Variants in SKIC3 observed in about 807,000 individuals in gnomAD.
SKIC3 encodes superkiller complex protein 3.
At chr5:95,464,712 AT>A in the SKIC3 span, 1 of 1,563,064 alleles carries the variant, frequency 6.4e-7, no homozygotes, top group South Asian at 1.1e-5. Context: ...GAACGTCAGT[AT>A]TTTGTTTATT....
the SKIC3 span, chr5:95,516,346 T>C: frequency 2.4e-5 from 39 of 1,612,654 alleles, no homozygotes; most frequent in South Asian, 3.3e-5. Flanking sequence ...ACAGGCAACA[T>C]ATTTACCTCA....
the SKIC3 span, among the ~76,000 whole-genome samples, chr5:95,505,612 G>C: frequency 6.6e-6 from 1 of 152,044 alleles, no homozygotes; most frequent in African/African-American, 2.4e-5. Flanking sequence ...AGGAGTTCGA[G>C]ACCAGCCTGG....
chr5:95,478,523 T>A, the SKIC3 span: 2 of 1,577,744 alleles, frequency 1.3e-6, no homozygotes, highest in Non-Finnish European at 1.7e-6. Flanking sequence ...ACAAATTCAA[T>A]AAACTTTGTC....
At chr5:95,528,998 T>C in the SKIC3 span, 1 of 1,613,206 alleles carries the variant, frequency 6.2e-7, no homozygotes, top group Admixed American at 1.7e-5. Context: ...GTATCAAAAA[T>C]ACCTTGACTG....
the SKIC3 span, among the ~76,000 whole-genome samples, chr5:95,487,053 T>G: frequency 6.6e-6 from 1 of 152,164 alleles, no homozygotes; most frequent in South Asian, 2.1e-4. Context: ...AGATCCACCC[T>G]TAATCTGGTG....
the SKIC3 span, chr5:95,525,293 A>G: frequency 2.7e-6 from 3 of 1,091,148 alleles, no homozygotes; most frequent in Admixed American, 5.6e-5. Flanking sequence ...CAAAGATCAA[A>G]TTCATGAAAA....
chr5:95,535,307 ATTTTTTT>A, the SKIC3 span, among the ~76,000 whole-genome samples: 6 of 91,808 alleles, frequency 6.5e-5, no homozygotes, highest in Admixed American at 5.3e-4. Flanking sequence ...GGTAACAGCA[ATTTTTTT>A]TTTTTTTTTT....
the SKIC3 span, among the ~76,000 whole-genome samples, chr5:95,496,018 CTTT>C: frequency 2.1e-5 from 3 of 142,698 alleles, no homozygotes; most frequent in Non-Finnish European, 1.5e-5. Context: ...CAATTTCTTT[CTTT>C]TTTTTTTTTT....
chr5:95,497,576 T>C, the SKIC3 span: 2 of 975,586 alleles, frequency 2.1e-6, no homozygotes, highest in Non-Finnish European at 3.1e-6. Flanking sequence ...AGTTTAAAAC[T>C]TTTCTTAATA....
At chr5:95,516,124 A>T in the SKIC3 span, among the ~76,000 whole-genome samples, 2 of 152,160 alleles carry the variant, frequency 1.3e-5, no homozygotes, top group African/African-American at 4.8e-5. Flanking sequence ...AAAAACCAAC[A>T]TAATCACAAA....
the SKIC3 span, chr5:95,515,184 A>C: frequency 2.7e-3 from 1,058 of 393,548 alleles, 23 homozygotes; most frequent in Admixed American, 0.036. Context: ...TGTCATCTGC[A>C]GAACTTTTAA....
the SKIC3 span, among the ~76,000 whole-genome samples, chr5:95,492,641 AAAAAAAAAAAG>A: frequency 0.037 from 2,305 of 62,862 alleles, 194 homozygotes; most frequent in East Asian, 0.069. Flanking sequence ...CGTCTCAAAA[AAAAAAAAAAAG>A]AAAAAAAAAA....
the SKIC3 span, among the ~76,000 whole-genome samples, chr5:95,518,456 C>A: frequency 6.6e-6 from 1 of 151,992 alleles, no homozygotes; most frequent in East Asian, 1.9e-4. Context: ...CCCATATATC[C>A]TTTCCCCCTA....
At chr5:95,494,600 G>T in the SKIC3 span, 1 of 1,351,072 alleles carries the variant, frequency 7.4e-7, no homozygotes, top group Non-Finnish European at 1.1e-6. Flanking sequence ...TATATATTGT[G>T]TGCAAGATTT....
chr5:95,475,279 T>A, the SKIC3 span, among the ~76,000 whole-genome samples: 2 of 152,168 alleles, frequency 1.3e-5, no homozygotes. Context: ...CGTTGAACTG[T>A]AATCCCCAGT....
chr5:95,529,956 G>C, the SKIC3 span: 1 of 1,049,956 alleles, frequency 9.5e-7, no homozygotes, highest in East Asian at 2.5e-5. Context: ...CCTAAGCAGA[G>C]TCCAAGGTAT....
chr5:95,534,366 A>C, the SKIC3 span, among the ~76,000 whole-genome samples: 1 of 152,084 alleles, frequency 6.6e-6, no homozygotes, highest in East Asian at 1.9e-4. Context: ...CAGCTATTGC[A>C]GTTCTTCTCC....
At chr5:95,535,307 A>ATTT in the SKIC3 span, among the ~76,000 whole-genome samples, 642 of 91,748 alleles carry the variant, frequency 7.0e-3, 6 homozygotes, top group African/African-American at 0.012. Flanking sequence ...GGTAACAGCA[A>ATTT]TTTTTTTTTT....
chr5:95,521,905 A>G, the SKIC3 span: 1 of 875,040 alleles, frequency 1.1e-6, no homozygotes. Flanking sequence ...AAATTTATAT[A>G]AGCTATACTG....
Sources: gnomAD v4.1 joint callset for allele counts (sites outside exome capture counted in the v4.1 genomes callset) on GRCh38, gnomAD v4.1.1 for gene constraint, MANE v1.5 for transcripts, NCBI Gene and HGNC (gene_info 2026-07-23, HGNC 2026-07-21) for gene names.